CELF4: variants seen among roughly 807,000 people sequenced by gnomAD.
The protein encoded by CELF4 is CUGBP Elav-like family member 4.
CELF4 carries 18 observed loss-of-function variants against 59.9 expected under a neutral mutation model. The ratio of observed to expected loss-of-function variants is 0.30; its 90% confidence interval spans 0.21 to 0.45. CELF4 has a LOEUF of 0.45. Among genes scored for constraint, CELF4 ranks in the 20% least tolerant of loss-of-function variants. The pLI, the probability that CELF4 is intolerant of heterozygous loss-of-function variation, is 1.00. For synonymous variants in CELF4, 261 were observed against 267.1 expected, an observed-to-expected ratio of 0.98 and a Z score of 0.22; for missense variants, 456 against 689.0, an observed-to-expected ratio of 0.66 and a Z score of 3.79.
At chr18:37,465,181 A>G (rs1027309125) in intron 2 of CELF4, among the ~76,000 whole-genome samples, 3 of 152,102 alleles carry the variant, frequency 2.0e-5, no homozygotes, top group Admixed American at 6.6e-5. Context: ...TGCTTATTAT[A>G]TATTATTTAT....
chr18:37,514,495 A>T (rs2099948357), intron 1 of CELF4, among the ~76,000 whole-genome samples: 1 of 152,180 alleles, frequency 6.6e-6, no homozygotes, highest in Admixed American at 6.5e-5. Context: ...AGAGCCTGGT[A>T]TCTGACCTCA....
chr18:37,487,635 G>T (rs901918348), intron 1 of CELF4, among the ~76,000 whole-genome samples: 1 of 152,098 alleles, frequency 6.6e-6, no homozygotes, highest in Admixed American at 6.5e-5. Context: ...CTTTCCTCCC[G>T]TCCCCTTGTT....
intron 2 of CELF4, among the ~76,000 whole-genome samples, chr18:37,395,664 G>A (rs2099235453): frequency 1.3e-5 from 2 of 152,200 alleles, no homozygotes; most frequent in South Asian, 2.1e-4. Context: ...CTGGGGGCAC[G>A]ACTCTGTCAA....
intron 1 of CELF4, among the ~76,000 whole-genome samples, chr18:37,537,027 G>A (rs989096954): frequency 1.3e-5 from 2 of 152,162 alleles, no homozygotes; most frequent in Non-Finnish European, 2.9e-5. Flanking sequence ...GGGTGTCATA[G>A]GTCACCCATC....
At chr18:37,454,599 C>T (rs1171659487) in intron 2 of CELF4, among the ~76,000 whole-genome samples, 1 of 152,132 alleles carries the variant, frequency 6.6e-6, no homozygotes, top group Non-Finnish European at 1.5e-5. Flanking sequence ...GTATTCAGGA[C>T]AACCATGCTG....
intron 1 of CELF4, among the ~76,000 whole-genome samples, chr18:37,559,568 G>A (rs1198553568): frequency 1.3e-5 from 2 of 151,106 alleles, no homozygotes; most frequent in Non-Finnish European, 2.9e-5. Flanking sequence ...TTACATTTCT[G>A]CCCTCTAGAG....
chr18:37,374,892 G>T (rs537652592), intron 2 of CELF4, among the ~76,000 whole-genome samples: 2 of 152,324 alleles, frequency 1.3e-5, no homozygotes, highest in African/African-American at 4.8e-5. Flanking sequence ...ATGAGGTCAT[G>T]TAGTTCAGGG....
intron 11 of CELF4, among the ~76,000 whole-genome samples, chr18:37,258,462 C>A (rs1569077746): frequency 2.6e-5 from 4 of 152,154 alleles, no homozygotes; most frequent in Admixed American, 1.3e-4. Flanking sequence ...AGGTGCCTCG[C>A]AGATTTCACT....
Position 37,275,212 on chromosome 18 carries a change from G to A in CELF4, c.480C>T (p.Asn160=). 1.2e-6 allele frequency: 2 copies of A among 1,613,652 alleles called. No homozygotes were observed. The highest frequency in any genetic ancestry group is 1.7e-6 in the Non-Finnish European group (2 of 1,179,868). ...GCACGTCGTCCTCGGACTGTTGCTT[G>A]TTGAGCATGCCCACGAAGAGTTTTC... The part of the protein sequence containing the change: ...QDRKLFVGML[N]KQQSEDDVRR... The change falls in exon 4 of 13, where the codon AAC becomes AAT. Residue 160 remains asparagine, a synonymous_variant. Transcript: ENST00000420428.
chr18:37,507,531 C>T (rs116325708), intron 1 of CELF4, among the ~76,000 whole-genome samples: 2,438 of 152,292 alleles, frequency 0.016, 69 homozygotes, highest in African/African-American at 0.055. Context: ...TCCATGACTT[C>T]CCATTTCCTC....
intron 11 of CELF4, chr18:37,258,914 G>T (rs1004683266): frequency 1.9e-6 from 1 of 538,038 alleles, no homozygotes; most frequent in South Asian, 2.9e-5. Flanking sequence ...AGTGGGAGAT[G>T]GGGAGCCAGG....
chr18:37,283,167 C>T (rs982363744), intron 3 of CELF4, among the ~76,000 whole-genome samples: 13 of 151,894 alleles, frequency 8.6e-5, no homozygotes, highest in African/African-American at 2.4e-4. Context: ...TGCACTCCTT[C>T]GCCAGCGCTG....
intron 3 of CELF4, among the ~76,000 whole-genome samples, chr18:37,277,240 C>G (rs2093445250): frequency 6.6e-6 from 1 of 152,228 alleles, no homozygotes. Flanking sequence ...AGTTACTGGT[C>G]CCTGTTACCA....
intron 1 of CELF4, among the ~76,000 whole-genome samples, chr18:37,558,806 C>CGTGTGTGTGTGTGTGTGTGTGTGT (rs147683102): frequency 6.9e-6 from 1 of 145,460 alleles, no homozygotes; most frequent in Non-Finnish European, 1.5e-5. Context: ...GCTGTCAGGT[C>CGTGTGTGTGTGTGTGTGTGTGTGT]GTGTGTGTGT....
At chr18:37,446,949 C>T (rs1275027932) in intron 2 of CELF4, among the ~76,000 whole-genome samples, 3 of 152,152 alleles carry the variant, frequency 2.0e-5, no homozygotes, top group Non-Finnish European at 4.4e-5. Context: ...AGATCCTTGG[C>T]AAGTATAGGA....
At chr18:37,266,493 G>C (rs945600743) in intron 9 of CELF4, 40 bp downstream of exon 9, 1 of 1,554,298 alleles carries the variant, frequency 6.4e-7, no homozygotes, top group Non-Finnish European at 8.7e-7. Context: ...AGAGATAAAC[G>C]GAGTTGGGGA....
chr18:37,315,543 A>C (rs1168884502), intron 3 of CELF4, among the ~76,000 whole-genome samples: 8 of 152,172 alleles, frequency 5.3e-5, no homozygotes, highest in Admixed American at 5.2e-4. Context: ...AGTAACCATC[A>C]CACTGGGGTT....
At chr18:37,456,185 C>T (rs962870824) in intron 2 of CELF4, among the ~76,000 whole-genome samples, 5 of 152,144 alleles carry the variant, frequency 3.3e-5, no homozygotes, top group African/African-American at 1.2e-4. Flanking sequence ...TATCCCTGGG[C>T]CTTTTCCTCC....
chr18:37,378,625 T>C (rs1298058361), intron 2 of CELF4, among the ~76,000 whole-genome samples: 1 of 152,098 alleles, frequency 6.6e-6, no homozygotes, highest in Non-Finnish European at 1.5e-5. Flanking sequence ...AACACATATA[T>C]ATTAGAAACC....
Sources: gnomAD v4.1 joint callset for allele counts (sites outside exome capture counted in the v4.1 genomes callset) on GRCh38, gnomAD v4.1.1 for gene constraint, MANE v1.5 for transcripts, NCBI Gene and HGNC (gene_info 2026-07-23, HGNC 2026-07-21) for gene names.